Variants in ABTB3 observed in about 807,000 individuals in gnomAD.
The protein encoded by ABTB3 is ankyrin repeat- and BTB/POZ domain-containing protein 3.
the ABTB3 span, among the ~76,000 whole-genome samples, chr12:107,564,517 G>T: frequency 6.6e-6 from 1 of 152,172 alleles, no homozygotes; most frequent in Admixed American, 6.5e-5. Context: ...GGAACCTTGG[G>T]TTCATTGGCC....
the ABTB3 span, among the ~76,000 whole-genome samples, chr12:107,389,849 TGTG>T: frequency 1.5e-4 from 1 of 6,852 alleles, no homozygotes; most frequent in Non-Finnish European, 3.6e-4. Flanking sequence ...TGTGTGTTTG[TGTG>T]TGTGTGTGTG....
the ABTB3 span, among the ~76,000 whole-genome samples, chr12:107,518,777 C>A: frequency 6.6e-6 from 1 of 152,098 alleles, no homozygotes; most frequent in Non-Finnish European, 1.5e-5. Context: ...AATAAAATGT[C>A]GAGCAGGGTT....
the ABTB3 span, among the ~76,000 whole-genome samples, chr12:107,396,430 C>T: frequency 6.6e-6 from 1 of 152,182 alleles, no homozygotes; most frequent in African/African-American, 2.4e-5. Context: ...AATGGAGACA[C>T]TTCTTGGAGT....
the ABTB3 span, among the ~76,000 whole-genome samples, chr12:107,358,408 G>A: frequency 2.6e-5 from 4 of 152,162 alleles, no homozygotes; most frequent in African/African-American, 9.7e-5. Flanking sequence ...AATGTGTCTG[G>A]TGTGTTTGTA....
At chr12:107,608,160 C>CA in the ABTB3 span, among the ~76,000 whole-genome samples, 1 of 152,192 alleles carries the variant, frequency 6.6e-6, no homozygotes, top group Non-Finnish European at 1.5e-5. Flanking sequence ...GACAGGCACA[C>CA]ATGGAGAAGT....
At chr12:107,320,561 C>T in the ABTB3 span, 2 of 456,090 alleles carry the variant, frequency 4.4e-6, no homozygotes, top group Admixed American at 2.3e-5. Flanking sequence ...GCACGCAGTG[C>T]ACGGGGGAAG....
the ABTB3 span, among the ~76,000 whole-genome samples, chr12:107,416,773 C>T: frequency 5.0e-4 from 76 of 152,290 alleles, 1 homozygote; most frequent in Admixed American, 3.1e-3. Context: ...TGACTACAGA[C>T]GAGTGCCACC....
chr12:107,402,041 T>A, the ABTB3 span, among the ~76,000 whole-genome samples: 1 of 151,948 alleles, frequency 6.6e-6, no homozygotes, highest in African/African-American at 2.4e-5. Flanking sequence ...GAGATCGGTG[T>A]AAAAAAGTAA....
At chr12:107,570,993 T>G in the ABTB3 span, among the ~76,000 whole-genome samples, 1 of 152,252 alleles carries the variant, frequency 6.6e-6, no homozygotes, top group Non-Finnish European at 1.5e-5. Flanking sequence ...CTGCTGTTTA[T>G]AACTGTGTGT....
At chr12:107,611,199 T>G in the ABTB3 span, among the ~76,000 whole-genome samples, 1 of 152,198 alleles carries the variant, frequency 6.6e-6, no homozygotes, top group Admixed American at 6.5e-5. Flanking sequence ...AAAGTTACTT[T>G]GCAATATTGT....
chr12:107,536,239 T>C, the ABTB3 span, among the ~76,000 whole-genome samples: 1 of 151,936 alleles, frequency 6.6e-6, no homozygotes, highest in African/African-American at 2.4e-5. Flanking sequence ...AAAAATCAAC[T>C]CAAAATGGAT....
the ABTB3 span, among the ~76,000 whole-genome samples, chr12:107,638,906 A>C: frequency 6.6e-6 from 1 of 152,216 alleles, no homozygotes; most frequent in Non-Finnish European, 1.5e-5. Context: ...ACCTTTCCGT[A>C]CTAGACACAG....
the ABTB3 span, among the ~76,000 whole-genome samples, chr12:107,596,078 ACT>A: frequency 6.6e-6 from 1 of 152,328 alleles, no homozygotes; most frequent in Non-Finnish European, 1.5e-5. Context: ...GTATGGAAGC[ACT>A]CAAGAATTTC....
chr12:107,498,141 G>A, the ABTB3 span, among the ~76,000 whole-genome samples: 1 of 152,240 alleles, frequency 6.6e-6, no homozygotes, highest in African/African-American at 2.4e-5. Flanking sequence ...TGATTCAGAT[G>A]CAGAGAGGAG....
chr12:107,448,304 C>A, the ABTB3 span, among the ~76,000 whole-genome samples: 1 of 152,180 alleles, frequency 6.6e-6, no homozygotes, highest in Non-Finnish European at 1.5e-5. Flanking sequence ...ACTCCCAGAG[C>A]GGTAGCTGTG....
the ABTB3 span, among the ~76,000 whole-genome samples, chr12:107,341,650 A>G: frequency 6.6e-6 from 1 of 152,180 alleles, no homozygotes; most frequent in Non-Finnish European, 1.5e-5. Flanking sequence ...AGTGGAACCC[A>G]GTTTGAAAAC....
the ABTB3 span, among the ~76,000 whole-genome samples, chr12:107,443,058 C>CT: frequency 6.6e-6 from 1 of 152,084 alleles, no homozygotes; most frequent in Non-Finnish European, 1.5e-5. Flanking sequence ...TTCATGAGGG[C>CT]TCCATCCTCA....
the ABTB3 span, among the ~76,000 whole-genome samples, chr12:107,339,649 G>A: frequency 4.0e-5 from 6 of 150,652 alleles, no homozygotes; most frequent in Non-Finnish European, 7.4e-5. Flanking sequence ...AGTAGTGCCC[G>A]AGAAACAGGG....
At chr12:107,502,058 G>T in the ABTB3 span, among the ~76,000 whole-genome samples, 1 of 150,602 alleles carries the variant, frequency 6.6e-6, no homozygotes, top group Admixed American at 6.6e-5. Flanking sequence ...GTGGGACTGG[G>T]CATTGGTACT....
Sources: allele counts gnomAD v4.1 joint callset (sites outside exome capture counted in the v4.1 genomes callset), GRCh38; gene constraint gnomAD v4.1.1; transcripts MANE v1.5; gene names NCBI Gene and HGNC (gene_info 2026-07-23, HGNC 2026-07-21).